Variants in MTHFD1L observed in about 807,000 individuals in gnomAD.
The protein encoded by MTHFD1L is monofunctional C1-tetrahydrofolate synthase, mitochondrial.
MTHFD1L carries 81 observed loss-of-function variants against 119.5 expected under a neutral mutation model. The observed-to-expected ratio is 0.68, with a 90% CI of 0.57 to 0.82. MTHFD1L has a LOEUF of 0.82. Among genes scored for constraint, MTHFD1L ranks in the 40% least tolerant of loss-of-function variants. The pLI is 0.00. For missense variants in MTHFD1L, 1,125 were observed against 1,253.4 expected (o/e 0.90, Z 1.55); for synonymous variants, 430 against 475.2 (o/e 0.90, Z 1.24).
chr6:150,918,504 C>G lies in MTHFD1L; in HGVS notation c.893-73C>G. Reference sequence around the variant, plus strand: ...ATGAGACCACTATTCAGTGTGCTAGCTGTTTACAAGGAGCAATTGGTTAGA... The same window carrying G: ...ATGAGACCACTATTCAGTGTGCTAGGTGTTTACAAGGAGCAATTGGTTAGA... On this transcript the variant is annotated intron_variant, in intron 8 of 27. Transcript: ENST00000367321. The G allele has an allele frequency of 3.9e-6, 4 of 1,028,506 alleles. No homozygotes were observed. In the East Asian group the frequency reaches 9.5e-5, roughly 24 times the overall value. The allele number at this position is 1,028,506 out of a possible 1,614,324, so 63.7% of individuals were successfully genotyped here.
chr6:150,929,864 C>CTTTTT (rs58153937), intron 11 of MTHFD1L, among the ~76,000 whole-genome samples: 7 of 151,752 alleles, frequency 4.6e-5, no homozygotes, highest in African/African-American at 7.3e-5. Context: ...TGGCCTGTCT[C>CTTTTT]TTTTTTAACT....
At chr6:151,010,097 A>T in intron 21 of MTHFD1L, 139 bp downstream of exon 21, 2 of 1,051,126 alleles carry the variant, frequency 1.9e-6, no homozygotes, top group Non-Finnish European at 2.6e-6. Context: ...TTTCCTGTAG[A>T]CCTCCCTCGT....
At chr6:151,024,106 T>C (rs943539987) in intron 24 of MTHFD1L, among the ~76,000 whole-genome samples, 7 of 152,270 alleles carry the variant, frequency 4.6e-5, no homozygotes, top group Non-Finnish European at 1.0e-4. Context: ...TTGGGATTTT[T>C]TTTTTTAATA....
chr6:151,023,615 C>T (rs1321877346), intron 24 of MTHFD1L, among the ~76,000 whole-genome samples: 2 of 152,118 alleles, frequency 1.3e-5, no homozygotes, highest in African/African-American at 2.4e-5. Flanking sequence ...AGCTTTCTTT[C>T]CTCGATGGTT....
At chr6:150,934,959 C>A in intron 11 of MTHFD1L, 1 of 1,523,306 alleles carries the variant, frequency 6.6e-7, no homozygotes, top group Non-Finnish European at 8.8e-7. Flanking sequence ...CATTTATTTG[C>A]ACCTGGAAAT....
intron 20 of MTHFD1L, among the ~76,000 whole-genome samples, chr6:151,007,659 A>C (rs1051172232): frequency 5.9e-5 from 9 of 151,934 alleles, no homozygotes; most frequent in Admixed American, 3.3e-4. Flanking sequence ...CCAGCCTTCC[A>C]CCTCCAGGAG....
intron 25 of MTHFD1L, among the ~76,000 whole-genome samples, chr6:151,035,999 C>T (rs1786109496): frequency 6.6e-6 from 1 of 152,156 alleles, no homozygotes; most frequent in Non-Finnish European, 1.5e-5. Flanking sequence ...AAGAAAATGG[C>T]CCCAAGTCCA....
intron 18 of MTHFD1L, 140 bp downstream of exon 18, chr6:150,960,555 A>G: frequency 1.7e-6 from 2 of 1,199,764 alleles, no homozygotes; most frequent in Admixed American, 5.6e-5. Context: ...TTCTTCCCCG[A>G]CAAGCATGTT....
At chr6:150,938,323 G>C (rs963608134) in intron 12 of MTHFD1L, among the ~76,000 whole-genome samples, 2 of 152,110 alleles carry the variant, frequency 1.3e-5, no homozygotes, top group Admixed American at 1.3e-4. Context: ...CAGCCACAGT[G>C]TATTTTTTTT....
chr6:150,971,903 C>A (rs769688086), intron 19 of MTHFD1L, 44 bp from the exon 20 acceptor site: 1 of 1,560,012 alleles, frequency 6.4e-7, no homozygotes, highest in Admixed American at 1.7e-5. Flanking sequence ...TTCCATGCTT[C>A]TGTTTGTCTT....
intron 20 of MTHFD1L, among the ~76,000 whole-genome samples, chr6:150,993,745 C>G (rs937335202): frequency 1.2e-4 from 19 of 152,192 alleles, no homozygotes; most frequent in Admixed American, 2.6e-4. Flanking sequence ...CTGGAGCTTA[C>G]GATCCTTCCT....
intron 8 of MTHFD1L, among the ~76,000 whole-genome samples, chr6:150,913,926 T>A (rs1477359210): frequency 1.3e-5 from 2 of 151,020 alleles, no homozygotes; most frequent in Non-Finnish European, 3.0e-5. Flanking sequence ...AGGTCAGGAG[T>A]TTGAGACCAG....
In MTHFD1L at chr6:150,869,518, A is replaced by G. The variant is rs937610360; in HGVS notation, c.227+3469A>G. On this transcript the variant is annotated intron_variant, in intron 1 of 27. Transcript: ENST00000367321. ...AGAGGACATGAACTCATGCTTTCTT[A>G]TGGCTGCAATTTTATTTTTGTAGAG... Among the ~76,000 whole-genome samples, 8 of 151,992 alleles carry G rather than the reference A, an allele frequency of 5.3e-5. No individual in the cohort carries two copies. The East Asian group carries it at 5.8e-4, about 11-fold the overall frequency.
At chr6:150,939,603 C>A (rs1005354729) in intron 13 of MTHFD1L, among the ~76,000 whole-genome samples, 2 of 151,704 alleles carry the variant, frequency 1.3e-5, no homozygotes, top group Non-Finnish European at 2.9e-5. Context: ...ACAGGAGGTC[C>A]TCGTGGGTGG....
chr6:151,026,691 G>A (rs1784643349), intron 24 of MTHFD1L, among the ~76,000 whole-genome samples: 1 of 152,012 alleles, frequency 6.6e-6, no homozygotes, highest in Admixed American at 6.6e-5. Flanking sequence ...AATATGTTAA[G>A]CAGCTGTGCA....
chr6:150,899,116 C>G, intron 7 of MTHFD1L: 2 of 396,324 alleles, frequency 5.0e-6, no homozygotes, highest in Non-Finnish European at 6.9e-6. Flanking sequence ...TTGATATTTT[C>G]TTCTCATATG....
chr6:151,038,592 TAAG>T (rs1786571805), intron 26 of MTHFD1L, among the ~76,000 whole-genome samples: 1 of 152,134 alleles, frequency 6.6e-6, no homozygotes, highest in Non-Finnish European at 1.5e-5. Flanking sequence ...TGGTTTTAAA[TAAG>T]GAGGAGAAGA....
At chr6:150,920,442 A>G (rs1446780779) in intron 9 of MTHFD1L, among the ~76,000 whole-genome samples, 1 of 152,244 alleles carries the variant, frequency 6.6e-6, no homozygotes, top group Non-Finnish European at 1.5e-5. Flanking sequence ...AGGGTAATAC[A>G]CAATTGAAAC....
At chr6:150,954,163 G>A (rs761706039) in intron 16 of MTHFD1L, among the ~76,000 whole-genome samples, 5 of 152,150 alleles carry the variant, frequency 3.3e-5, no homozygotes, top group African/African-American at 4.8e-5. Flanking sequence ...TTCATCCTAC[G>A]GATGCCTATA....
Sources: allele counts gnomAD v4.1 joint callset (sites outside exome capture counted in the v4.1 genomes callset), GRCh38; gene constraint gnomAD v4.1.1; transcripts MANE v1.5; gene names NCBI Gene and HGNC (gene_info 2026-07-23, HGNC 2026-07-21).